Variants in ARL14EPL observed in about 807,000 individuals in gnomAD.
The protein encoded by ARL14EPL is ARF like GTPase 14 effector protein like.
In ARL14EPL, 17 loss-of-function variants were observed where a neutral mutation model predicts 15.9. That is an observed-to-expected ratio of 1.07 (90% CI 0.73 to 1.60). ARL14EPL has a LOEUF of 1.60. ARL14EPL is among the 40% of genes most tolerant of loss of function. The pLI is 0.00. For missense variants in ARL14EPL, 214 were observed against 185.9 expected (o/e 1.15, Z -0.88); for synonymous variants, 78 against 63.8 (o/e 1.22, Z -1.06).
At chr5:116,055,321 G>A (rs1749489658) in intron 3 of ARL14EPL, among the ~76,000 whole-genome samples, 1 of 152,158 alleles carries the variant, frequency 6.6e-6, no homozygotes, top group South Asian at 2.1e-4. Flanking sequence ...TAATATCTTG[G>A]AAAAAGTCTA....
intron 1 of ARL14EPL, among the ~76,000 whole-genome samples, chr5:116,042,961 T>A (rs572855509): frequency 6.6e-6 from 1 of 152,202 alleles, no homozygotes; most frequent in South Asian, 2.1e-4. Context: ...TGTTTTCTAT[T>A]TTTTTACAGC....
chr5:116,058,958 A>G lies in ARL14EPL; in HGVS notation c.*11A>G. ...AATGTTCCTGACTAGGTGCTCTTGT[A>G]TATGGACTGATTTGTTTCTTCTTCT... On this transcript the variant is annotated 3_prime_UTR_variant, in exon 4 of 4. Transcript: ENST00000686077. The G allele has an allele frequency of 2.0e-6, 3 of 1,531,654 alleles. No individual in the cohort carries two copies. Among genetic ancestry groups the G allele is most frequent in the Non-Finnish European group, 2.6e-6 (3 of 1,143,022 alleles). The allele number at this position is 1,531,654 out of a possible 1,614,324, so 94.9% of individuals were successfully genotyped here.
intron 3 of ARL14EPL, 24 bp downstream of exon 3, chr5:116,054,177 T>C: frequency 8.5e-6 from 13 of 1,521,976 alleles, no homozygotes; most frequent in Non-Finnish European, 1.1e-5. Context: ...TTATTGTATT[T>C]GATCTGTGGG....
intron 1 of ARL14EPL, among the ~76,000 whole-genome samples, chr5:116,049,615 G>A (rs748852134): frequency 3.3e-5 from 5 of 152,148 alleles, no homozygotes; most frequent in African/African-American, 9.7e-5. Flanking sequence ...AGTACCCAAT[G>A]GGCAGTTTTT....
chr5:116,054,210 C>T (rs913736066), intron 3 of ARL14EPL, 57 bp downstream of exon 3: 5 of 1,431,012 alleles, frequency 3.5e-6, no homozygotes, highest in African/African-American at 1.4e-5. Flanking sequence ...ATGAATTCTC[C>T]TTGACAAAGC....
At chr5:116,042,727 T>C (rs1030869531) in intron 1 of ARL14EPL, among the ~76,000 whole-genome samples, 1 of 152,166 alleles carries the variant, frequency 6.6e-6, no homozygotes, top group Admixed American at 6.5e-5. Context: ...CCTCCCTGGA[T>C]ACTTATAACT....
At chr5:116,056,535 T>C (rs1749521619) in intron 3 of ARL14EPL, among the ~76,000 whole-genome samples, 1 of 152,208 alleles carries the variant, frequency 6.6e-6, no homozygotes, top group Non-Finnish European at 1.5e-5. Context: ...TCTTTGTAGA[T>C]TCTGGATATT....
chr5:116,058,797 G>T lies in ARL14EPL; in HGVS notation c.309G>T (p.Lys103Asn). Residue 103 changes from lysine (K) to asparagine (N), a missense_variant, in exon 4 of 4, where the codon AAG becomes AAT. Lys to Asn is a moderately conservative substitution (Grantham distance 94). Transcript: ENST00000686077. ...CTGATCTGTGTGATTGTCTAGAGAA[G>T]AACTGCCTGGGCTGCTTCTACCCAT... ...NDADLCDCLE[K>N]NCLGCFYPCP... The T allele has an allele frequency of 6.5e-7, 1 of 1,535,948 alleles. No homozygotes were observed. The highest frequency in any genetic ancestry group is 8.7e-7 in the Non-Finnish European group (1 of 1,146,886).
At chr5:116,041,618 T>G (rs995293844) in intron 1 of ARL14EPL, among the ~76,000 whole-genome samples, 1 of 152,022 alleles carries the variant, frequency 6.6e-6, no homozygotes, top group Non-Finnish European at 1.5e-5. Context: ...GCTACTGGAG[T>G]GCACTTTGCA....
chr5:116,038,788 C>A (rs911752033), intron 1 of ARL14EPL, among the ~76,000 whole-genome samples: 1 of 151,504 alleles, frequency 6.6e-6, no homozygotes, highest in African/African-American at 2.4e-5. Context: ...CTATGACTAA[C>A]TACTTCTAAA....
chr5:116,043,418 T>C (rs1258999207), intron 1 of ARL14EPL, among the ~76,000 whole-genome samples: 1 of 152,042 alleles, frequency 6.6e-6, no homozygotes, highest in Non-Finnish European at 1.5e-5. Context: ...GATGAAAAAA[T>C]ATAATTTTAT....
chr5:116,040,978 T>TAAAAAAAAAAAAAAAA (rs1580411570), intron 1 of ARL14EPL, among the ~76,000 whole-genome samples: 1 of 6,498 alleles, frequency 1.5e-4, no homozygotes, highest in Non-Finnish European at 3.8e-4. Flanking sequence ...AGATTCCCTC[T>TAAAAAAAAAAAAAAAA]CAAAAAAAAA....
chr5:116,044,778 C>A (rs1480773055), intron 1 of ARL14EPL, among the ~76,000 whole-genome samples: 1 of 152,086 alleles, frequency 6.6e-6, no homozygotes, highest in African/African-American at 2.4e-5. Context: ...TTTCTACCTC[C>A]CCTCGTCCCA....
chr5:116,054,136 T>C lies in ARL14EPL; in HGVS notation c.219T>C (p.Tyr73=), dbSNP rs960600080. 6.5e-7 allele frequency: 1 copy of C among 1,535,322 alleles called. No individual in the cohort carries two copies. The highest frequency in any genetic ancestry group is 2.0e-5 in the Admixed American group (1 of 50,928). ...KKARMSKMNE[Y]FSTKYKIMRK... ...CCCGGATGTCAAAGATGAATGAATA[T>C]TTTTCTACCAAATACAAGTAAGATT... Residue 73 remains tyrosine (Y), a synonymous_variant, in exon 3 of 4, where the codon TAT becomes TAC. Coordinates refer to ENST00000686077, the MANE Select transcript of ARL14EPL (RefSeq NM_001195581.2).
intron 1 of ARL14EPL, among the ~76,000 whole-genome samples, chr5:116,048,459 T>C (rs1397204095): frequency 6.6e-6 from 1 of 152,168 alleles, no homozygotes; most frequent in Non-Finnish European, 1.5e-5. Context: ...GTGATATCTA[T>C]GGACCATTTC....
chr5:116,035,177 TTC>T (rs554203998), intron 1 of ARL14EPL, among the ~76,000 whole-genome samples: 186 of 152,146 alleles, frequency 1.2e-3, no homozygotes, highest in African/African-American at 4.3e-3. Flanking sequence ...AGTTTTCTGG[TTC>T]TCTGACCATG....
intron 1 of ARL14EPL, among the ~76,000 whole-genome samples, chr5:116,039,171 C>G (rs923981322): frequency 6.6e-6 from 1 of 152,090 alleles, no homozygotes; most frequent in Non-Finnish European, 1.5e-5. Context: ...GGTCAGGTCC[C>G]GAACAGGGTT....
At chr5:116,057,428 A>AAAG (rs929768682) in intron 3 of ARL14EPL, among the ~76,000 whole-genome samples, 4 of 151,914 alleles carry the variant, frequency 2.6e-5, no homozygotes, top group Non-Finnish European at 5.9e-5. Context: ...TACCAAAAAA[A>AAAG]AAAGCATCAA....
intron 3 of ARL14EPL, 115 bp from the exon 4 acceptor site, chr5:116,058,610 G>A: frequency 1.1e-6 from 1 of 949,702 alleles, no homozygotes. Flanking sequence ...GGTAATCTCT[G>A]GAGTTCTGGG....
Sources: gnomAD v4.1 joint callset for allele counts (sites outside exome capture counted in the v4.1 genomes callset) on GRCh38, gnomAD v4.1.1 for gene constraint, MANE v1.5 for transcripts, NCBI Gene and HGNC (gene_info 2026-07-23, HGNC 2026-07-21) for gene names.